The following BBC3 variants were observed in gnomAD, a reference collection of about 807,000 sequenced individuals.
BBC3 encodes BCL2 binding component 3.
BBC3 carries 5 observed loss-of-function variants against 18.2 expected under a neutral mutation model. That is an observed-to-expected ratio of 0.27 (90% CI 0.14 to 0.58). BBC3 has a LOEUF of 0.58. Among genes scored for constraint, BBC3 ranks in the 20% least tolerant of loss-of-function variants. The probability of loss-of-function intolerance (pLI) is 0.91; values close to 1 mark genes in which losing one functional copy is unlikely to be tolerated. For synonymous variants in BBC3, 119 were observed against 128.0 expected, an observed-to-expected ratio of 0.93 and a Z score of 0.47; for missense variants, 224 against 268.9, an observed-to-expected ratio of 0.83 and a Z score of 1.17.
At chr19:47,224,630 T>A (rs2058789138) in intron 3 of BBC3, among the ~76,000 whole-genome samples, 1 of 150,370 alleles carries the variant, frequency 6.7e-6, no homozygotes, top group African/African-American at 2.4e-5. Context: ...TCTCTAAACA[T>A]AAAATAAAAA....
intron 3 of BBC3, among the ~76,000 whole-genome samples, chr19:47,226,063 A>T (rs1340345573): frequency 6.8e-6 from 1 of 147,866 alleles, no homozygotes. Context: ...TAAAAAATCG[A>T]GGCCGTGCCA....
upstream of BBC3, chr19:47,232,420 C>A: frequency 9.7e-7 from 1 of 1,036,204 alleles, no homozygotes; most frequent in Non-Finnish European, 1.4e-6. Context: ...AAGAAACTGA[C>A]CACCCACACA....
intron 1 of BBC3, among the ~76,000 whole-genome samples, chr19:47,229,008 C>G (rs2058876827): frequency 6.6e-6 from 1 of 151,140 alleles, no homozygotes; most frequent in Admixed American, 6.6e-5. Flanking sequence ...ACACACACCC[C>G]CGACCAAAGC....
At chr19:47,232,779 C>T, upstream of BBC3, 1 of 522,500 alleles carries the variant, frequency 1.9e-6, no homozygotes, top group Non-Finnish European at 3.4e-6. Flanking sequence ...CAGAGTGACT[C>T]ACCTTCCAGT....
At position 47,228,121 on chromosome 19, in the gene BBC3, C is replaced by A; in HGVS notation, c.274+37G>T. ...CCGAGTCTCCAGCCCTCTCTCTTCC[C>A]GGCTCCTATCACCCCGGGGGCGGGG... On this transcript the variant is annotated intron_variant, in intron 2 of 3. Coordinates refer to ENST00000439096, the MANE Select transcript of BBC3 (RefSeq NM_014417.5). This position sits in a 1 kb window ranked among gnomAD's most constrained non-coding sequence, Gnocchi z 5.5. 8.2e-7 allele frequency: 1 copy of A among 1,221,156 alleles called. No individual in the cohort carries two copies. The highest frequency in any genetic ancestry group is 3.2e-5 in the East Asian group (1 of 31,392). 75.6% of individuals were successfully genotyped at this position (1,221,156 alleles called of 1,614,324 possible).
In BBC3 at chr19:47,228,189, G is replaced by C. The variant is rs1418377408; in HGVS notation, c.243C>G (p.Pro81=). The change falls in exon 2 of 4, where the codon CCC becomes CCG. Residue 81 remains proline (P), a synonymous_variant. Coordinates refer to ENST00000439096, the MANE Select transcript of BBC3 (RefSeq NM_014417.5). This position sits in a 1 kb window ranked among gnomAD's most constrained non-coding sequence, Gnocchi z 5.5. ...GGCGCGGGCCTCGGGGCCGGCTGCG[G>C]GGACCCCCAGGCCAGCGGGAACCCC... ...ALGGSRWPGG[P]RSRPRGPRPD... is the part of the protein sequence containing the mutation. 8.2e-7 allele frequency: 1 copy of C among 1,224,710 alleles called. No homozygotes were observed. Among genetic ancestry groups the C allele is most frequent in the East Asian group, 3.2e-5 (1 of 31,200 alleles). 75.9% of individuals were successfully genotyped at this position (1,224,710 alleles called of 1,614,324 possible).
chr19:47,228,701 G>C lies in BBC3; in HGVS notation c.-15-255C>G, dbSNP rs541681053. Reference sequence around the variant, plus strand: ...GGCACAGGACGGCTCTCACAGCAAGGACAGGGCTCACACAGGACGGATGGA... The same window carrying C: ...GGCACAGGACGGCTCTCACAGCAAGCACAGGGCTCACACAGGACGGATGGA... On this transcript the variant is annotated intron_variant, in intron 1 of 3. Coordinates refer to ENST00000439096, the MANE Select transcript of BBC3 (RefSeq NM_014417.5). The surrounding 1 kb of genome is among the most constrained non-coding windows in gnomAD (Gnocchi z 5.5). 1.3e-5 allele frequency among the ~76,000 whole-genome samples: 2 copies of C among 151,954 alleles called. No individual in the cohort carries two copies. The highest frequency in any genetic ancestry group is 4.8e-5 in the African/African-American group (2 of 41,358).
intron 1 of BBC3, among the ~76,000 whole-genome samples, chr19:47,229,758 C>A (rs78449740): frequency 6.6e-6 from 1 of 151,924 alleles, no homozygotes; most frequent in Non-Finnish European, 1.5e-5. Context: ...AAATCCCAGA[C>A]GCTGATGCCA....
intron 3 of BBC3, among the ~76,000 whole-genome samples, chr19:47,225,262 G>C (rs924391188): frequency 6.6e-6 from 1 of 151,630 alleles, no homozygotes; most frequent in Non-Finnish European, 1.5e-5. Context: ...TGGCCAGACT[G>C]GTCTCAAACT....
intron 3 of BBC3, among the ~76,000 whole-genome samples, chr19:47,223,396 G>A (rs1411046659): frequency 2.0e-5 from 3 of 151,932 alleles, no homozygotes; most frequent in East Asian, 1.9e-4. Context: ...GGGAAACCCC[G>A]TCTCTACTAA....
chr19:47,222,178 C>T (rs2058759973), intron 3 of BBC3: 1 of 416,236 alleles, frequency 2.4e-6, no homozygotes, highest in Non-Finnish European at 4.3e-6. Flanking sequence ...CTGTGACTGC[C>T]CCGTCTCTGT....
chr19:47,232,002 A>G (rs1251658138), upstream of BBC3, among the ~76,000 whole-genome samples: 1 of 152,220 alleles, frequency 6.6e-6, no homozygotes, highest in Non-Finnish European at 1.5e-5. Flanking sequence ...ACACTCCCAC[A>G]GGGACATACA....
At chr19:47,229,492 T>C (rs965800646) in intron 1 of BBC3, among the ~76,000 whole-genome samples, 5 of 148,548 alleles carry the variant, frequency 3.4e-5, no homozygotes, top group African/African-American at 5.0e-5. Flanking sequence ...ACACACACCC[T>C]ACAGCTAACT....
In BBC3 at chr19:47,222,860, G is replaced by C. The variant is rs1176895569; in HGVS notation, c.466-942C>G. 4.0e-5 allele frequency among the ~76,000 whole-genome samples: 6 copies of C among 151,274 alleles called. No homozygotes were observed. The East Asian group carries it at 1.2e-3, about 30-fold the overall frequency. Reference sequence around the variant, plus strand: ...CATGTCTGTAATCCCAGCTACTTGGGAAGGCTGAGGCAGGAGAATCGCTTG... The same window carrying C: ...CATGTCTGTAATCCCAGCTACTTGGCAAGGCTGAGGCAGGAGAATCGCTTG... On this transcript the variant is annotated intron_variant, in intron 3 of 3. Coordinates refer to ENST00000439096, the MANE Select transcript of BBC3 (RefSeq NM_014417.5).
chr19:47,221,519 C>G lies in BBC3; in HGVS notation c.*283G>C. 1.9e-6 allele frequency: 1 copy of G among 514,504 alleles called. No homozygotes were observed. Among genetic ancestry groups the G allele is most frequent in the Non-Finnish European group, 3.2e-6 (1 of 308,004 alleles). The allele number at this position is 514,504 out of a possible 1,614,324, so 31.9% of individuals were successfully genotyped here. A position where few individuals can be genotyped will look rare whatever the true frequency, so the allele number is the denominator to read the frequency against. ...TGGTGGGCGGCAGAGGCGGGCGGCT[C>G]AGTCCCCACCCCCTCGGTCACCGCC... On this transcript the variant is annotated 3_prime_UTR_variant, in exon 4 of 4. Coordinates refer to ENST00000439096, the MANE Select transcript of BBC3 (RefSeq NM_014417.5).
In BBC3 at chr19:47,228,965, G is replaced by A. The variant is rs74526719; in HGVS notation, c.-15-519C>T. Among the ~76,000 whole-genome samples, 589 of 151,924 alleles carry A rather than the reference G, an allele frequency of 3.9e-3. 6 individuals are homozygous for A. The highest frequency in any genetic ancestry group is 0.014 in the African/African-American group (569 of 41,382). ...GCACACAAACACTGAGATGGCCCCA[G>A]TCTCGGACATCACTACTCAGTACAC... On this transcript the variant is annotated intron_variant, in intron 1 of 3. Coordinates refer to ENST00000439096, the MANE Select transcript of BBC3 (RefSeq NM_014417.5). This position sits in a 1 kb window ranked among gnomAD's most constrained non-coding sequence, Gnocchi z 5.5.
chr19:47,229,988 T>C lies in BBC3; in HGVS notation c.-16+941A>G, dbSNP rs142263702. ...CACACAGGCAAGACACAAGCACACATATCGCACGCTCGGGCAAGACACACA... is the reference window on the plus strand; with the variant it reads ...CACACAGGCAAGACACAAGCACACACATCGCACGCTCGGGCAAGACACACA... On this transcript the variant is annotated intron_variant, in intron 1 of 3. Coordinates refer to ENST00000439096, the MANE Select transcript of BBC3 (RefSeq NM_014417.5). Among the ~76,000 whole-genome samples, 496 of 150,650 alleles carry C rather than the reference T, an allele frequency of 3.3e-3. 3 individuals carry two copies. The highest frequency in any genetic ancestry group is 0.012 in the African/African-American group (483 of 40,902).
At position 47,231,086 on chromosome 19, in the gene BBC3, C is replaced by T; in HGVS notation, c.-173G>A. ...GCAGTGGCGGCTGCTGTGGCTGTGGCTGCTGCTGCTCCCCGGGCCGCAGGC... is the reference window on the plus strand; with the variant it reads ...GCAGTGGCGGCTGCTGTGGCTGTGGTTGCTGCTGCTCCCCGGGCCGCAGGC... On this transcript the variant is annotated 5_prime_UTR_variant, in exon 1 of 4. Coordinates refer to ENST00000439096, the MANE Select transcript of BBC3 (RefSeq NM_014417.5). The surrounding 1 kb of genome is among the most constrained non-coding windows in gnomAD (Gnocchi z 4.0). 1 of 967,252 alleles carries T rather than the reference C, an allele frequency of 1.0e-6. No homozygotes were observed. The highest frequency in any genetic ancestry group is 1.2e-6 in the Non-Finnish European group (1 of 812,704). The allele number at this position is 967,252 out of a possible 1,614,324, so 59.9% of individuals were successfully genotyped here.
At position 47,221,715 on chromosome 19, in the gene BBC3, G is replaced by C. The variant is rs2058753536; in HGVS notation, c.*87C>G. 5 of 1,593,124 alleles carry C rather than the reference G, an allele frequency of 3.1e-6. No homozygotes were observed. Among genetic ancestry groups the C allele is most frequent in the Non-Finnish European group, 4.3e-6 (5 of 1,173,636 alleles). ...AGTCCAGTATGCTACATGGTGCAGA[G>C]AAAGTCCCCCGCGCTGGCCAGGGTG... On this transcript the variant is annotated 3_prime_UTR_variant, in exon 4 of 4. Transcript: ENST00000439096.
Sources: gnomAD v4.1 joint callset for allele counts (sites outside exome capture counted in the v4.1 genomes callset) on GRCh38, gnomAD v4.1.1 for gene constraint, Gnocchi (gnomAD v3.1) non-coding constraint, MANE v1.5 for transcripts, NCBI Gene and HGNC (gene_info 2026-07-23, HGNC 2026-07-21) for gene names.